The following EIF4G3 variants were observed in gnomAD, a reference collection of about 807,000 sequenced individuals.
EIF4G3 encodes eukaryotic translation initiation factor 4 gamma 3.
A neutral mutation model predicts 186.4 loss-of-function variants in EIF4G3; 34 were observed. That is an observed-to-expected ratio of 0.18 (90% CI 0.14 to 0.24). EIF4G3 has a LOEUF of 0.24. Ranked by LOEUF, EIF4G3 falls within the 10% of genes least tolerant of loss-of-function variation. The probability of loss-of-function intolerance (pLI) is 1.00; values close to 1 mark genes in which losing one functional copy is unlikely to be tolerated. For synonymous variants in EIF4G3, 673 were observed against 679.5 expected (o/e 0.99, Z 0.15); for missense variants, 1,536 against 1,948.5 (o/e 0.79, Z 3.99).
intron 16 of EIF4G3, among the ~76,000 whole-genome samples, chr1:20,896,246 G>A (rs747258405): frequency 4.0e-5 from 6 of 151,852 alleles, no homozygotes; most frequent in Non-Finnish European, 7.4e-5. Flanking sequence ...CAGCCTGGGC[G>A]ATGTAGTAAG....
intron 3 of EIF4G3, among the ~76,000 whole-genome samples, chr1:21,081,525 T>A (rs1477575107): frequency 6.6e-6 from 1 of 152,000 alleles, no homozygotes; most frequent in Non-Finnish European, 1.5e-5. Context: ...AGCTTCTCTC[T>A]CATATCTGAT....
chr1:20,889,850 T>C (rs1165145260), intron 18 of EIF4G3, among the ~76,000 whole-genome samples: 1 of 152,206 alleles, frequency 6.6e-6, no homozygotes, highest in African/African-American at 2.4e-5. Flanking sequence ...CCAACAGATA[T>C]GCACTTTACT....
chr1:20,849,333 C>T, intron 29 of EIF4G3, 82 bp downstream of exon 29: 1 of 666,078 alleles, frequency 1.5e-6, no homozygotes, highest in African/African-American at 1.9e-5. Context: ...TTCACAATGA[C>T]ACCTGATTTA....
Position 20,864,678 on chromosome 1 carries a change from T to G in EIF4G3, c.2804A>C (p.Glu935Ala). The G allele has an allele frequency of 6.2e-7, 1 of 1,614,178 alleles. No individual in the cohort carries two copies. The highest frequency in any genetic ancestry group is 8.5e-7 in the Non-Finnish European group (1 of 1,180,024). Residue 935 changes from glutamate (E) to alanine (A), a missense_variant, in exon 22 of 37, where the codon GAA becomes GCA. Transcript: ENST00000602326. ...EERTRLHDEL[E>A]EAKDKARRRS... Reference sequence around the variant, plus strand: ...CCGCCGGGCTTTGTCCTTGGCTTCTTCCAGTTCATCATGAAGCCTTGTCCT... The same window carrying G: ...CCGCCGGGCTTTGTCCTTGGCTTCTGCCAGTTCATCATGAAGCCTTGTCCT...
chr1:21,055,910 C>T (rs1304180264), intron 3 of EIF4G3, among the ~76,000 whole-genome samples: 3 of 152,056 alleles, frequency 2.0e-5, no homozygotes, highest in Non-Finnish European at 2.9e-5. Context: ...TAAAGAGGTA[C>T]TGACATATAC....
At position 21,063,645 on chromosome 1, in the gene EIF4G3, G is replaced by A. The variant is rs150145858; in HGVS notation, c.-195-12651C>T. 4.1e-3 allele frequency among the ~76,000 whole-genome samples: 574 copies of A among 139,840 alleles called. 6 individuals carry two copies. The highest frequency in any genetic ancestry group is 0.015 in the African/African-American group (546 of 37,006). The allele number at this position is 139,840 out of a possible 152,430, so 91.7% of individuals were successfully genotyped here. On this transcript the variant is annotated intron_variant, in intron 3 of 36. Coordinates refer to ENST00000602326, the MANE Select transcript of EIF4G3 (RefSeq NM_001391906.1). ...CAACTTGAAGGATCACGTTAAAATGGGTGGTGTGAGTCTTTTGTTAACAAC... is the reference window on the plus strand; with the variant it reads ...CAACTTGAAGGATCACGTTAAAATGAGTGGTGTGAGTCTTTTGTTAACAAC...
At chr1:21,052,869 T>G in intron 3 of EIF4G3, among the ~76,000 whole-genome samples, 1 of 151,598 alleles carries the variant, frequency 6.6e-6, no homozygotes, top group East Asian at 1.9e-4. Context: ...AGACGGAGTC[T>G]CGTTCACTCA....
intron 4 of EIF4G3, among the ~76,000 whole-genome samples, chr1:21,034,312 T>A (rs2092999718): frequency 6.6e-6 from 1 of 152,238 alleles, no homozygotes; most frequent in Non-Finnish European, 1.5e-5. Context: ...CTTTTGGAAA[T>A]TTTTTAATGA....
At chr1:21,132,058 T>C (rs2097163040) in intron 2 of EIF4G3, among the ~76,000 whole-genome samples, 1 of 152,044 alleles carries the variant, frequency 6.6e-6, no homozygotes, top group Non-Finnish European at 1.5e-5. Flanking sequence ...TTTTCAAAAA[T>C]GAAGGCAATA....
chr1:20,947,369 AT>A (rs2096002371), intron 13 of EIF4G3, among the ~76,000 whole-genome samples: 1 of 151,900 alleles, frequency 6.6e-6, no homozygotes. Flanking sequence ...AGAAAAAAAA[AT>A]CCTCAGTGTA....
At chr1:21,148,148 A>G (rs1481631811) in intron 2 of EIF4G3, among the ~76,000 whole-genome samples, 1 of 152,232 alleles carries the variant, frequency 6.6e-6, no homozygotes, top group Non-Finnish European at 1.5e-5. Context: ...AATTCACTGC[A>G]GCCTCAAACT....
intron 2 of EIF4G3, among the ~76,000 whole-genome samples, chr1:21,171,379 A>G (rs1457662866): frequency 6.6e-6 from 1 of 152,174 alleles, no homozygotes; most frequent in Admixed American, 6.5e-5. Context: ...ACCCAGAACA[A>G]GCCAGCAAAT....
rs564756420 is a variant in EIF4G3, at chr1:21,105,424, G to A, written c.-271-16211C>T. On this transcript the variant is annotated intron_variant, in intron 2 of 36. Transcript: ENST00000602326. ...CAGCCTATGCAACGAGTGAAACTCC[G>A]TCTTAAAAAAAAAAGAAAAAAAAAA... Among the ~76,000 whole-genome samples the A allele has an allele frequency of 7.5e-5, 11 of 146,770 alleles. No individual in the cohort carries two copies. The East Asian group carries it at 1.4e-3, about 19-fold the overall frequency.
At chr1:20,817,568 A>G (rs1242233611) in intron 33 of EIF4G3, 30 bp from the exon 34 acceptor site, 1 of 1,416,350 alleles carries the variant, frequency 7.1e-7, no homozygotes. Flanking sequence ...ACATATTAAT[A>G]TATTAATATA....
chr1:21,048,877 G>A (rs1322721144), intron 4 of EIF4G3, among the ~76,000 whole-genome samples: 1 of 152,144 alleles, frequency 6.6e-6, no homozygotes, highest in Non-Finnish European at 1.5e-5. Flanking sequence ...CGTAGGTTTG[G>A]TAGGCCTTTT....
At chr1:20,837,484 G>C (rs1040836877) in intron 30 of EIF4G3, among the ~76,000 whole-genome samples, 2 of 152,112 alleles carry the variant, frequency 1.3e-5, no homozygotes, top group Non-Finnish European at 2.9e-5. Flanking sequence ...GATTACAGGC[G>C]TGAGCCACCG....
chr1:20,875,426 T>C (rs191919793), intron 20 of EIF4G3, among the ~76,000 whole-genome samples: 5 of 152,348 alleles, frequency 3.3e-5, no homozygotes, highest in African/African-American at 9.6e-5. Flanking sequence ...CTGGTTCATA[T>C]TGGTTTATGA....
chr1:21,074,716 G>C (rs1290174621), intron 3 of EIF4G3, among the ~76,000 whole-genome samples: 1 of 152,106 alleles, frequency 6.6e-6, no homozygotes, highest in East Asian at 1.9e-4. Context: ...ACAGAATTAG[G>C]AAGATTATAA....
intron 4 of EIF4G3, among the ~76,000 whole-genome samples, chr1:21,027,866 G>T (rs1447994084): frequency 1.3e-5 from 2 of 152,072 alleles, no homozygotes; most frequent in Non-Finnish European, 2.9e-5. Flanking sequence ...ATTCATAACT[G>T]GTAAAACATG....
Sources: allele counts gnomAD v4.1 joint callset (sites outside exome capture counted in the v4.1 genomes callset), GRCh38; gene constraint gnomAD v4.1.1; transcripts MANE v1.5; gene names NCBI Gene and HGNC (gene_info 2026-07-23, HGNC 2026-07-21).